The following SYT1 variants were observed in gnomAD, a reference collection of about 807,000 sequenced individuals.
The protein encoded by SYT1 is synaptotagmin 1.
SYT1 carries 8 observed loss-of-function variants against 44.8 expected under a neutral mutation model. The ratio of observed to expected loss-of-function variants is 0.18; its 90% CI spans 0.10 to 0.32. The LOEUF is 0.32. Among genes scored for constraint, SYT1 ranks in the 10% least tolerant of loss-of-function variants. The pLI is 1.00. For synonymous variants in SYT1, 154 were observed against 188.8 expected (o/e 0.82, Z 1.51); for missense variants, 286 against 509.3 (o/e 0.56, Z 4.22).
chr12:79,111,157 T>A (rs953961218), intron 3 of SYT1, among the ~76,000 whole-genome samples: 1 of 152,128 alleles, frequency 6.6e-6, no homozygotes, highest in Non-Finnish European at 1.5e-5. Flanking sequence ...AATTCGTATA[T>A]GTCAGCGTGA....
chr12:79,192,570 G>T (rs1447480271), intron 3 of SYT1, among the ~76,000 whole-genome samples: 5 of 152,130 alleles, frequency 3.3e-5, no homozygotes, highest in Non-Finnish European at 7.3e-5. Flanking sequence ...CAATGTGGAG[G>T]GTGGGGAAAG....
chr12:79,039,908 T>A (rs1387170496), intron 2 of SYT1, among the ~76,000 whole-genome samples: 1 of 145,190 alleles, frequency 6.9e-6, no homozygotes, highest in Non-Finnish European at 1.5e-5. Context: ...TTACTGAGAA[T>A]GATGATTTCC....
At chr12:78,975,599 T>G (rs61928070) in intron 1 of SYT1, among the ~76,000 whole-genome samples, 1 of 152,162 alleles carries the variant, frequency 6.6e-6, no homozygotes, top group East Asian at 1.9e-4. Flanking sequence ...TCTGTGTTTT[T>G]AAATCTGTGA....
At chr12:78,877,442 A>G (rs1051647860) in intron 1 of SYT1, among the ~76,000 whole-genome samples, 16 of 151,724 alleles carry the variant, frequency 1.1e-4, no homozygotes, top group Non-Finnish European at 1.9e-4. Context: ...GGGTGGGGAC[A>G]CAGCTAAACC....
intron 9 of SYT1, among the ~76,000 whole-genome samples, chr12:79,364,255 G>T (rs189106227): frequency 3.0e-5 from 4 of 134,098 alleles, no homozygotes; most frequent in Non-Finnish European, 4.7e-5. Context: ...ATGGTTAAAC[G>T]AAAGAAAAAC....
intron 3 of SYT1, among the ~76,000 whole-genome samples, chr12:79,180,360 A>C (rs1315432220): frequency 6.6e-6 from 1 of 152,144 alleles, no homozygotes; most frequent in East Asian, 1.9e-4. Context: ...GCAGAAGCAG[A>C]GAAGACTATA....
chr12:79,413,022 A>G (rs928919320), intron 9 of SYT1, among the ~76,000 whole-genome samples: 7 of 152,164 alleles, frequency 4.6e-5, no homozygotes. Flanking sequence ...TCATGGGCTC[A>G]AATTTGGAAA....
At chr12:78,944,434 G>T (rs1358798962) in intron 1 of SYT1, among the ~76,000 whole-genome samples, 4 of 151,772 alleles carry the variant, frequency 2.6e-5, no homozygotes, top group Non-Finnish European at 5.9e-5. Flanking sequence ...TCAGCCTCAG[G>T]ACATTAATTT....
intron 1 of SYT1, among the ~76,000 whole-genome samples, chr12:78,934,095 C>CAT (rs1005015292): frequency 4.0e-5 from 6 of 151,642 alleles, no homozygotes; most frequent in African/African-American, 1.2e-4. Context: ...ACTGTTTTTA[C>CAT]ATATATATAT....
At chr12:79,047,011 C>T (rs973768232) in intron 2 of SYT1, among the ~76,000 whole-genome samples, 6 of 151,818 alleles carry the variant, frequency 4.0e-5, no homozygotes, top group Admixed American at 1.3e-4. Flanking sequence ...ATTAGTGTTA[C>T]TCTAATTTCA....
intron 1 of SYT1, among the ~76,000 whole-genome samples, chr12:78,921,549 A>C (rs758027989): frequency 1.2e-4 from 18 of 152,100 alleles, no homozygotes; most frequent in Admixed American, 2.0e-4. Flanking sequence ...AAACTGGAAC[A>C]TTTCAATAAT....
chr12:79,175,020 T>A (rs1288588191), intron 3 of SYT1, among the ~76,000 whole-genome samples: 1 of 152,094 alleles, frequency 6.6e-6, no homozygotes, highest in Non-Finnish European at 1.5e-5. Flanking sequence ...TTTTATTATA[T>A]CTTCAAAAAT....
chr12:79,284,727 T>C (rs1437431558), intron 4 of SYT1, among the ~76,000 whole-genome samples: 4 of 151,492 alleles, frequency 2.6e-5, no homozygotes, highest in Admixed American at 2.0e-4. Context: ...AAGTCCCAGC[T>C]ACTCGGGACG....
chr12:78,926,365 G>C (rs1005839904), intron 1 of SYT1, among the ~76,000 whole-genome samples: 3 of 152,030 alleles, frequency 2.0e-5, no homozygotes, highest in Non-Finnish European at 4.4e-5. Context: ...CTTAACTAGT[G>C]ATTCTAATAC....
intron 2 of SYT1, among the ~76,000 whole-genome samples, chr12:79,007,036 A>G (rs1047017085): frequency 6.6e-6 from 1 of 152,102 alleles, no homozygotes; most frequent in Non-Finnish European, 1.5e-5. Context: ...ATTTCAGTTT[A>G]TAAGTGTTTT....
At chr12:78,987,131 TTA>T (rs1210712365) in intron 2 of SYT1, among the ~76,000 whole-genome samples, 1 of 152,074 alleles carries the variant, frequency 6.6e-6, no homozygotes, top group African/African-American at 2.4e-5. Context: ...TAGAGCCAGT[TTA>T]TGCACCAGGA....
intron 9 of SYT1, among the ~76,000 whole-genome samples, chr12:79,422,935 C>G (rs985361475): frequency 4.6e-5 from 7 of 152,094 alleles, no homozygotes; most frequent in African/African-American, 1.7e-4. Context: ...GATACATGCT[C>G]TGTCAGAAAG....
At chr12:79,284,422 A>G (rs1265050558) in intron 4 of SYT1, among the ~76,000 whole-genome samples, 2 of 152,074 alleles carry the variant, frequency 1.3e-5, no homozygotes, top group African/African-American at 4.8e-5. Flanking sequence ...TTGCATTTTC[A>G]CTAAACTCCC....
chr12:78,988,645 G>C (rs912650124), intron 2 of SYT1, among the ~76,000 whole-genome samples: 15 of 151,980 alleles, frequency 9.9e-5, no homozygotes, highest in Non-Finnish European at 1.8e-4. Flanking sequence ...ACAGAGGCTG[G>C]TGTAGAGTGA....
Sources: allele counts gnomAD v4.1 joint callset (sites outside exome capture counted in the v4.1 genomes callset), GRCh38; gene constraint gnomAD v4.1.1; transcripts MANE v1.5; gene names NCBI Gene and HGNC (gene_info 2026-07-23, HGNC 2026-07-21).